Variants in PTPRM observed in about 807,000 individuals in gnomAD.
The protein encoded by PTPRM is receptor-type tyrosine-protein phosphatase mu.
PTPRM carries 47 observed loss-of-function variants against 186.7 expected under a neutral mutation model. The observed-to-expected ratio is 0.25, with a 90% confidence interval of 0.20 to 0.32. PTPRM has a LOEUF of 0.32. Among genes scored for constraint, PTPRM ranks in the 10% least tolerant of loss-of-function variants. The probability of loss-of-function intolerance (pLI) is 1.00; values close to 1 mark genes in which losing one functional copy is unlikely to be tolerated. For synonymous variants in PTPRM, 668 were observed against 674.9 expected (o/e 0.99, Z 0.16); for missense variants, 1,494 against 1,865.0 (o/e 0.80, Z 3.66).
At chr18:8,295,278 G>T (rs2095084323) in intron 19 of PTPRM, among the ~76,000 whole-genome samples, 1 of 152,080 alleles carries the variant, frequency 6.6e-6, no homozygotes, top group African/African-American at 2.4e-5. Context: ...CCCACAAAAA[G>T]GAATAAATAC....
intron 2 of PTPRM, among the ~76,000 whole-genome samples, chr18:7,796,572 G>A (rs970069855): frequency 4.6e-5 from 7 of 152,178 alleles, no homozygotes; most frequent in African/African-American, 7.2e-5. Context: ...CCCTGATACC[G>A]TGGGCCATTC....
intron 1 of PTPRM, among the ~76,000 whole-genome samples, chr18:7,684,088 A>C (rs899449977): frequency 1.2e-4 from 19 of 152,056 alleles, no homozygotes; most frequent in African/African-American, 4.6e-4. Flanking sequence ...TCCACTGAGA[A>C]CAGCCTCAGT....
intron 1 of PTPRM, among the ~76,000 whole-genome samples, chr18:7,627,534 A>G (rs1049640033): frequency 6.6e-6 from 1 of 152,144 alleles, no homozygotes; most frequent in African/African-American, 2.4e-5. Context: ...GCCTTAGGGT[A>G]CATGGAAGGA....
chr18:8,394,065 T>G (rs1215824377), intron 31 of PTPRM, among the ~76,000 whole-genome samples: 1 of 152,232 alleles, frequency 6.6e-6, no homozygotes, highest in African/African-American at 2.4e-5. Context: ...GTGCTGGGAT[T>G]ACAGGTGTGA....
At chr18:7,775,984 T>TA (rs2042562816) in intron 2 of PTPRM, among the ~76,000 whole-genome samples, 2 of 152,112 alleles carry the variant, frequency 1.3e-5, no homozygotes, top group Admixed American at 6.6e-5. Context: ...CACAGGCCGT[T>TA]AAAAAAATGG....
At chr18:7,623,300 A>G (rs572499929) in intron 1 of PTPRM, among the ~76,000 whole-genome samples, 1 of 152,190 alleles carries the variant, frequency 6.6e-6, no homozygotes, top group African/African-American at 2.4e-5. Context: ...TAATATTGTT[A>G]TTGTAGGAAA....
At chr18:8,014,611 A>G (rs1346350775) in intron 7 of PTPRM, among the ~76,000 whole-genome samples, 2 of 152,214 alleles carry the variant, frequency 1.3e-5, no homozygotes, top group Non-Finnish European at 2.9e-5. Flanking sequence ...AGACTAAGGA[A>G]TAGTGTACAA....
chr18:7,966,656 G>C (rs904895843), intron 7 of PTPRM, among the ~76,000 whole-genome samples: 53 of 147,926 alleles, frequency 3.6e-4, no homozygotes, highest in South Asian at 4.4e-4. Flanking sequence ...AGCGCAAGGG[G>C]TCAGGGAGTT....
At chr18:7,841,737 A>C (rs1414977400) in intron 2 of PTPRM, among the ~76,000 whole-genome samples, 3 of 152,160 alleles carry the variant, frequency 2.0e-5, no homozygotes, top group Non-Finnish European at 4.4e-5. Context: ...GAAATGCCTT[A>C]CACTACTGAA....
At chr18:8,095,210 C>T (rs977650117) in intron 11 of PTPRM, among the ~76,000 whole-genome samples, 28 of 152,146 alleles carry the variant, frequency 1.8e-4, no homozygotes, top group Admixed American at 1.7e-3. Context: ...AACCAGTGGC[C>T]TGACCAGGGA....
intron 1 of PTPRM, among the ~76,000 whole-genome samples, chr18:7,693,311 T>C (rs608028): frequency 0.65 from 98,122 of 152,032 alleles, 33,517 homozygotes; most frequent in East Asian, 0.99. Flanking sequence ...GAGCTGTTCT[T>C]ATCCACTGTT....
At chr18:8,094,753 A>T (rs1285713816) in intron 11 of PTPRM, among the ~76,000 whole-genome samples, 1 of 152,120 alleles carries the variant, frequency 6.6e-6, no homozygotes, top group African/African-American at 2.4e-5. Flanking sequence ...TTTAGACAGA[A>T]TTTTTCATTC....
intron 7 of PTPRM, among the ~76,000 whole-genome samples, chr18:7,984,304 T>A (rs1267478535): frequency 2.0e-5 from 3 of 151,902 alleles, no homozygotes; most frequent in Non-Finnish European, 4.4e-5. Flanking sequence ...GTATCCTCAT[T>A]TTCCAAGTCA....
chr18:7,669,120 C>T (rs1431105743), intron 1 of PTPRM, among the ~76,000 whole-genome samples: 2 of 151,990 alleles, frequency 1.3e-5, no homozygotes, highest in Non-Finnish European at 2.9e-5. Flanking sequence ...GTGTGGGTTT[C>T]CAGTTATCCT....
chr18:8,231,891 A>G (rs2094291218), intron 14 of PTPRM, among the ~76,000 whole-genome samples: 1 of 152,186 alleles, frequency 6.6e-6, no homozygotes, highest in Admixed American at 6.5e-5. Flanking sequence ...ATCCTCATTT[A>G]TCATAATCCG....
chr18:8,372,712 G>T (rs1311351635), intron 24 of PTPRM, among the ~76,000 whole-genome samples: 6 of 94,822 alleles, frequency 6.3e-5, no homozygotes, highest in Non-Finnish European at 1.2e-4. Flanking sequence ...TCCTTCTTAG[G>T]CAGAATTGGA....
intron 8 of PTPRM, among the ~76,000 whole-genome samples, chr18:8,074,098 A>G (rs2148468919): frequency 6.6e-6 from 1 of 152,244 alleles, no homozygotes; most frequent in East Asian, 1.9e-4. Context: ...ATAACTGTAA[A>G]TGTTCTACAT....
chr18:7,933,502 G>A lies in PTPRM; in HGVS notation c.663+6819G>A, dbSNP rs115288320. ...GCAAGACATGACAGAAGCTATCCAT[G>A]GTTTCAGGCATCCACTAGGTGTCTT... is the stretch of plus-strand genomic sequence containing the variant. On this transcript the variant is annotated intron_variant, in intron 5 of 32. Transcript: ENST00000580170. Among the ~76,000 whole-genome samples the A allele has an allele frequency of 2.2e-3, 337 of 152,008 alleles. 2 individuals carry two copies. The highest frequency in any genetic ancestry group is 8.1e-3 in the African/African-American group (334 of 41,428).
At chr18:7,957,371 C>T (rs1211975415) in intron 7 of PTPRM, among the ~76,000 whole-genome samples, 2 of 152,100 alleles carry the variant, frequency 1.3e-5, no homozygotes, top group African/African-American at 2.4e-5. Flanking sequence ...AATAGATTGA[C>T]AGTTATTTTT....
Sources: allele counts gnomAD v4.1 joint callset (sites outside exome capture counted in the v4.1 genomes callset), GRCh38; gene constraint gnomAD v4.1.1; transcripts MANE v1.5; gene names NCBI Gene and HGNC (gene_info 2026-07-23, HGNC 2026-07-21).